The following GANC variants were observed in gnomAD, a reference collection of about 807,000 sequenced individuals.
GANC encodes neutral alpha-glucosidase C.
A neutral mutation model predicts 124.2 loss-of-function variants in GANC; 117 were observed. The ratio of observed to expected loss-of-function variants is 0.94; its 90% CI spans 0.81 to 1.10. The LOEUF is 1.10. GANC is among the 50% of genes least tolerant of loss of function. GANC has a pLI of 0.00. For missense variants in GANC, 1,140 were observed against 1,095.0 expected, an observed-to-expected ratio of 1.04 and a Z score of -0.58; for synonymous variants, 377 against 376.8, an observed-to-expected ratio of 1.00 and a Z score of -0.01.
At chr15:42,313,966 A>ACAACAACAACAG in intron 10 of GANC, 1 of 654,088 alleles carries the variant, frequency 1.5e-6, no homozygotes, top group Non-Finnish European at 2.7e-6. Context: ...AACAACAGCA[A>ACAACAACAACAG]CAACAACAAC....
At chr15:42,349,938 C>T (rs146790194) in intron 22 of GANC, among the ~76,000 whole-genome samples, 2,465 of 146,580 alleles carry the variant, frequency 0.017, 72 homozygotes, top group African/African-American at 0.059. Context: ...TGTGAGCCAC[C>T]GTGCCCGGCG....
At chr15:42,281,402 G>C (rs2051732771) in intron 3 of GANC, among the ~76,000 whole-genome samples, 1 of 148,194 alleles carries the variant, frequency 6.7e-6, no homozygotes, top group Non-Finnish European at 1.5e-5. Flanking sequence ...GCCTCTATTA[G>C]GCCAGGCGTG....
intron 5 of GANC, among the ~76,000 whole-genome samples, chr15:42,294,974 T>A (rs1401176951): frequency 3.4e-5 from 5 of 146,002 alleles, no homozygotes; most frequent in African/African-American, 1.3e-4. Context: ...CATTTGTAGT[T>A]TTTTTTTTTT....
intron 3 of GANC, chr15:42,283,995 A>C (rs375264073): frequency 2.8e-6 from 2 of 702,550 alleles, no homozygotes. Flanking sequence ...GTCCTACAGC[A>C]ATTTAATGAA....
chr15:42,330,471 T>C, intron 14 of GANC, 105 bp from the exon 15 acceptor site: 1 of 709,194 alleles, frequency 1.4e-6, no homozygotes, highest in South Asian at 1.6e-5. Context: ...ATTTTCCATT[T>C]CATGCTCCTG....
intron 11 of GANC, among the ~76,000 whole-genome samples, chr15:42,323,303 C>G (rs2052175850): frequency 6.6e-6 from 1 of 152,078 alleles, no homozygotes; most frequent in Non-Finnish European, 1.5e-5. Flanking sequence ...TATGGTAGTG[C>G]TGAAGGGTAT....
At chr15:42,300,567 A>G (rs1444097961) in intron 6 of GANC, among the ~76,000 whole-genome samples, 1 of 152,244 alleles carries the variant, frequency 6.6e-6, no homozygotes, top group African/African-American at 2.4e-5. Flanking sequence ...AGAACCAGAA[A>G]TACCATTTGG....
intron 11 of GANC, 80 bp from the exon 12 acceptor site, chr15:42,326,218 C>T (rs2052197259): frequency 2.9e-6 from 3 of 1,025,174 alleles, no homozygotes; most frequent in Non-Finnish European, 4.4e-6. Flanking sequence ...ATTGAACCCC[C>T]AAACTATGGC....
chr15:42,297,705 A>G, intron 6 of GANC, 49 bp downstream of exon 6: 8 of 1,305,850 alleles, frequency 6.1e-6, no homozygotes, highest in Non-Finnish European at 8.8e-6. Flanking sequence ...CATCATCATC[A>G]TGATAGGGCA....
intron 4 of GANC, among the ~76,000 whole-genome samples, chr15:42,288,470 C>A (rs2051812592): frequency 6.6e-6 from 1 of 152,106 alleles, no homozygotes; most frequent in South Asian, 2.1e-4. Flanking sequence ...CATATTATTT[C>A]ACTAAAGGAA....
intron 20 of GANC, among the ~76,000 whole-genome samples, chr15:42,346,770 TATG>T (rs1433836343): frequency 6.6e-6 from 1 of 152,136 alleles, no homozygotes; most frequent in Non-Finnish European, 1.5e-5. Context: ...ATGCATCAGT[TATG>T]ATGTTAAAAT....
Position 42,310,378 on chromosome 15 carries a change from C to A in GANC, c.818C>A (p.Ala273Asp), listed in dbSNP as rs768114217. The change falls in exon 9 of 24, where the codon GCC becomes GAC. Residue 273 changes from alanine to aspartate, a missense_variant. By Grantham distance (126) the Ala-to-Asp change is moderately radical. Coordinates refer to ENST00000318010, the MANE Select transcript of GANC (RefSeq NM_198141.3). ...TATGGTTCAGTACCTTATCTCCTGG[C>A]CCACAAACTGGGCAGAACTATAGGT... The part of the protein sequence containing the change: ...GIYGSVPYLL[A>D]HKLGRTIGIF... 9.3e-6 allele frequency: 15 copies of A among 1,613,754 alleles called. No individual in the cohort carries two copies. Among genetic ancestry groups the A allele is most frequent in the Non-Finnish European group, 1.3e-5 (15 of 1,179,846 alleles).
chr15:42,295,828 G>T (rs1010348124), intron 5 of GANC, among the ~76,000 whole-genome samples: 2 of 152,092 alleles, frequency 1.3e-5, no homozygotes, highest in African/African-American at 2.4e-5. Flanking sequence ...TGCTCTGTTA[G>T]ACTCATACAC....
intron 3 of GANC, among the ~76,000 whole-genome samples, chr15:42,286,252 T>C (rs966428296): frequency 1.3e-5 from 2 of 152,224 alleles, no homozygotes; most frequent in African/African-American, 4.8e-5. Context: ...ATAACCCTTC[T>C]TAATCTCTTG....
At chr15:42,313,616 C>A (rs989738587) in intron 10 of GANC, 4 of 163,362 alleles carry the variant, frequency 2.4e-5, no homozygotes, top group Non-Finnish European at 5.3e-5. Context: ...AGACCACAAC[C>A]AAACAGTGAC....
chr15:42,324,715 G>A (rs549718117), intron 11 of GANC, among the ~76,000 whole-genome samples: 9 of 152,202 alleles, frequency 5.9e-5, no homozygotes, highest in Non-Finnish European at 8.8e-5. Context: ...AATACCGTGT[G>A]ATTCCACTAA....
At chr15:42,309,916 A>G (rs751876760) in intron 8 of GANC, among the ~76,000 whole-genome samples, 34 of 152,198 alleles carry the variant, frequency 2.2e-4, no homozygotes, top group Admixed American at 1.4e-3. Flanking sequence ...GCTACTTGGG[A>G]GGCTGAGGTG....
At chr15:42,315,654 C>G (rs955962884) in intron 10 of GANC, among the ~76,000 whole-genome samples, 1 of 152,066 alleles carries the variant, frequency 6.6e-6, no homozygotes, top group Non-Finnish European at 1.5e-5. Flanking sequence ...TTGACTAGGT[C>G]GTGGTACCCA....
At chr15:42,292,988 T>C in intron 5 of GANC, 71 bp downstream of exon 5, 1 of 1,397,434 alleles carries the variant, frequency 7.2e-7, no homozygotes, top group Non-Finnish European at 1.0e-6. Context: ...GTTGCCTAAA[T>C]AGATAACATA....
Sources: allele counts gnomAD v4.1 joint callset (sites outside exome capture counted in the v4.1 genomes callset), GRCh38; gene constraint gnomAD v4.1.1; transcripts MANE v1.5; gene names NCBI Gene and HGNC (gene_info 2026-07-23, HGNC 2026-07-21).